Variants in CERS6 observed in about 807,000 individuals in gnomAD.
The protein encoded by CERS6 is ceramide synthase 6, also known as LAG1 homolog, ceramide synthase 6.
In CERS6, 26 loss-of-function variants were observed where a neutral mutation model predicts 56.8. The ratio of observed to expected loss-of-function variants is 0.46; its 90% CI spans 0.34 to 0.63. CERS6 has a LOEUF of 0.63. CERS6 is among the 30% of genes least tolerant of loss of function. The pLI is 0.01. For missense variants in CERS6, 415 were observed against 467.5 expected (o/e 0.89, Z 1.04); for synonymous variants, 164 against 173.3 (o/e 0.95, Z 0.42).
At chr2:168,719,864 AG>A (rs1378745340) in intron 8 of CERS6, among the ~76,000 whole-genome samples, 7 of 152,250 alleles carry the variant, frequency 4.6e-5, no homozygotes, top group East Asian at 1.9e-4. Flanking sequence ...GCCATACTAA[AG>A]GTTCTTTTTT....
rs184491636 is a variant in CERS6, at chr2:168,682,993, A to G, written c.466-8041A>G. Among the ~76,000 whole-genome samples, 75 of 152,352 alleles carry G rather than the reference A, an allele frequency of 4.9e-4. No homozygotes were observed. In the East Asian group the frequency reaches 0.014, roughly 28 times the overall value. On this transcript the variant is annotated intron_variant, in intron 4 of 9. Coordinates refer to ENST00000305747, the MANE Select transcript of CERS6 (RefSeq NM_203463.3). ...ATAAAAAGAATTATAATGGATATCT[A>G]TGTATAAATTCCTCTACATATGGGT... is the stretch of plus-strand genomic sequence containing the variant.
chr2:168,507,258 G>A (rs1162990778), intron 1 of CERS6, among the ~76,000 whole-genome samples: 1 of 152,106 alleles, frequency 6.6e-6, no homozygotes, highest in Non-Finnish European at 1.5e-5. Context: ...TCATCATTGT[G>A]AACTCAAAAA....
intron 2 of CERS6, among the ~76,000 whole-genome samples, chr2:168,553,880 A>C (rs1270242918): frequency 1.3e-5 from 2 of 152,236 alleles, no homozygotes; most frequent in Non-Finnish European, 2.9e-5. Context: ...AGGCAGAATC[A>C]GTTCACTGAT....
intron 1 of CERS6, among the ~76,000 whole-genome samples, chr2:168,504,180 T>G (rs1694635010): frequency 6.6e-6 from 1 of 152,034 alleles, no homozygotes; most frequent in East Asian, 1.9e-4. Context: ...GGAGCCAAGG[T>G]AGGCAGATTG....
intron 9 of CERS6, 98 bp downstream of exon 9, chr2:168,765,846 G>T: frequency 8.8e-7 from 1 of 1,133,684 alleles, no homozygotes; most frequent in Non-Finnish European, 1.2e-6. Flanking sequence ...CATCAAAATT[G>T]GTAGTATTTC....
At chr2:168,707,029 T>C (rs552470261) in intron 6 of CERS6, among the ~76,000 whole-genome samples, 3 of 152,366 alleles carry the variant, frequency 2.0e-5, no homozygotes, top group Admixed American at 2.0e-4. Flanking sequence ...CCTTTGCCTA[T>C]CTTTGCTGTA....
At chr2:168,699,895 A>G (rs1008162557) in intron 6 of CERS6, among the ~76,000 whole-genome samples, 2 of 152,230 alleles carry the variant, frequency 1.3e-5, no homozygotes, top group Admixed American at 6.5e-5. Context: ...AAAGGAAGCT[A>G]ATAAATATTT....
chr2:168,505,397 A>G (rs940869172), intron 1 of CERS6, among the ~76,000 whole-genome samples: 3 of 147,318 alleles, frequency 2.0e-5, no homozygotes, highest in Non-Finnish European at 3.0e-5. Context: ...AAAAAAAAAA[A>G]AAAAGAAAAA....
At chr2:168,552,385 C>CT (rs1018250975) in intron 2 of CERS6, among the ~76,000 whole-genome samples, 3 of 139,098 alleles carry the variant, frequency 2.2e-5, no homozygotes, top group African/African-American at 5.1e-5. Context: ...CACACACACA[C>CT]ACACACTACA....
At chr2:168,458,427 T>C (rs1693716056) in intron 1 of CERS6, among the ~76,000 whole-genome samples, 1 of 152,232 alleles carries the variant, frequency 6.6e-6, no homozygotes, top group Non-Finnish European at 1.5e-5. Flanking sequence ...GTACTTAGAT[T>C]GTCTCTGCCT....
At chr2:168,668,654 G>A (rs959570149) in intron 4 of CERS6, among the ~76,000 whole-genome samples, 5 of 151,816 alleles carry the variant, frequency 3.3e-5, no homozygotes, top group African/African-American at 7.3e-5. Context: ...GGGTTTCACC[G>A]TGTTGGCTAG....
At chr2:168,650,067 T>TA (rs1199096210) in intron 4 of CERS6, among the ~76,000 whole-genome samples, 4 of 151,884 alleles carry the variant, frequency 2.6e-5, no homozygotes, top group Admixed American at 6.6e-5. Flanking sequence ...AAGTGAGACT[T>TA]AAAAAAAACA....
chr2:168,749,001 C>G (rs1383979935), intron 8 of CERS6, among the ~76,000 whole-genome samples: 1 of 143,928 alleles, frequency 6.9e-6, no homozygotes, highest in African/African-American at 2.6e-5. Flanking sequence ...CCCCCTCTGT[C>G]TTACCATTTC....
chr2:168,726,631 T>A (rs1683362357), intron 8 of CERS6, among the ~76,000 whole-genome samples: 1 of 152,184 alleles, frequency 6.6e-6, no homozygotes, highest in Non-Finnish European at 1.5e-5. Flanking sequence ...TGCACCTATG[T>A]CCTCATCGGT....
rs532497522 is a variant in CERS6, at chr2:168,467,044, T to TC, written c.170+10431dup. 1.7e-3 allele frequency among the ~76,000 whole-genome samples: 262 copies of TC among 152,336 alleles called. 1 individual carries two copies. Among genetic ancestry groups the TC allele is most frequent in the African/African-American group, 6.2e-3 (257 of 41,588 alleles). On this transcript the variant is annotated intron_variant, in intron 1 of 9. Transcript: ENST00000305747. Reference sequence around the variant, plus strand: ...TTCTTTCTTTCCTTTCCTCGATTCCTCCCCCACCTTCCTTCCCTCTCTTCT... The same window carrying TC: ...TTCTTTCTTTCCTTTCCTCGATTCCTCCCCCCACCTTCCTTCCCTCTCTTCT...
At chr2:168,569,028 C>T (rs1695934541) in intron 3 of CERS6, among the ~76,000 whole-genome samples, 1 of 152,148 alleles carries the variant, frequency 6.6e-6, no homozygotes, top group Admixed American at 6.6e-5. Flanking sequence ...CTAACATTTG[C>T]TTGTAGTGGC....
At chr2:168,547,472 TACACCCATGAAATCCTACCAAC>T (rs1270124415) in intron 1 of CERS6, 102 bp from the exon 2 acceptor site, 9 of 608,704 alleles carry the variant, frequency 1.5e-5, no homozygotes, top group Non-Finnish European at 2.6e-5. Context: ...GTTGACAATG[TACACCCATGAAATCCTACCAAC>T]ACTTTATTGG....
chr2:168,711,171 T>G (rs1173968697), intron 6 of CERS6, among the ~76,000 whole-genome samples: 2 of 152,182 alleles, frequency 1.3e-5, no homozygotes, highest in Non-Finnish European at 2.9e-5. Flanking sequence ...GAAAATAACC[T>G]CTGGACATGT....
chr2:168,619,016 A>G (rs1684394689), intron 3 of CERS6, among the ~76,000 whole-genome samples: 1 of 152,250 alleles, frequency 6.6e-6, no homozygotes, highest in South Asian at 2.1e-4. Context: ...AAAAATAGAT[A>G]CATAGACCAA....
Sources: allele counts gnomAD v4.1 joint callset (sites outside exome capture counted in the v4.1 genomes callset), GRCh38; gene constraint gnomAD v4.1.1; transcripts MANE v1.5; gene names NCBI Gene and HGNC (gene_info 2026-07-23, HGNC 2026-07-21).